GATA3: variants seen among roughly 807,000 people sequenced by gnomAD.
The protein encoded by GATA3 is trans-acting T-cell-specific transcription factor GATA-3.
Under a neutral mutation model 36.0 loss-of-function variants are expected in GATA3, and 6 were observed. The ratio of observed to expected loss-of-function variants is 0.17; its 90% CI spans 0.09 to 0.33. GATA3 has a LOEUF of 0.33. Among genes scored for constraint, GATA3 ranks in the 10% least tolerant of loss-of-function variants. GATA3 has a pLI of 1.00. For synonymous variants in GATA3, 326 were observed against 273.0 expected, an observed-to-expected ratio of 1.19 and a Z score of -1.92; for missense variants, 514 against 610.1, an observed-to-expected ratio of 0.84 and a Z score of 1.66.
At chr10:8,050,918 G>A (rs759577271), upstream of GATA3, 4 of 466,810 alleles carry the variant, frequency 8.6e-6, no homozygotes, top group Admixed American at 4.9e-5. Context: ...CGGGCAGCGC[G>A]CGGGCGCCCG....
rs1458852998 is a variant in GATA3 at position 8,055,553 on chromosome 10, G to C, written c.-103G>C. ...GAAAGCAAATCATTCAACGACCCCCGACCCTCCGACGGCAGGAGCCCCCCG... is the reference window on the plus strand; with the variant it reads ...GAAAGCAAATCATTCAACGACCCCCCACCCTCCGACGGCAGGAGCCCCCCG... On this transcript the variant is annotated 5_prime_UTR_variant, in exon 2 of 6. Transcript: ENST00000379328. This position sits in a 1 kb window ranked among gnomAD's most constrained non-coding sequence, Gnocchi z 5.4. The C allele has an allele frequency of 2.5e-5, 31 of 1,226,342 alleles. No homozygotes were observed. Among genetic ancestry groups the C allele is most frequent in the Admixed American group, 7.7e-5 (3 of 39,080 alleles). The allele number at this position is 1,226,342 out of a possible 1,614,324, so 76.0% of individuals were successfully genotyped here.
intron 4 of GATA3, among the ~76,000 whole-genome samples, chr10:8,067,759 A>G (rs942975202): frequency 4.6e-5 from 7 of 152,332 alleles, no homozygotes; most frequent in Middle Eastern, 3.4e-3. Flanking sequence ...CGGAGCTTGC[A>G]GTGAGCCGAG....
chr10:8,062,844 G>A (rs1006375112), intron 3 of GATA3, among the ~76,000 whole-genome samples: 1 of 152,150 alleles, frequency 6.6e-6, no homozygotes, highest in African/African-American at 2.4e-5. Context: ...AGAGAACTGG[G>A]CGCTAGAGAC....
chr10:8,058,848 G>A lies in GATA3; in HGVS notation c.778+7G>A, dbSNP rs1403198011. On this transcript the variant is annotated splice_region_variant and intron_variant, in intron 3 of 5. Transcript: ENST00000379328. ...AAGGCCCGGTCCAGCACAGGTAGGA[G>A]CCAGCTCTTCCCTGGAGCCTTTTCT... 1.5e-5 allele frequency: 24 copies of A among 1,601,560 alleles called. No homozygotes were observed. The highest frequency in any genetic ancestry group is 2.0e-5 in the Non-Finnish European group (24 of 1,179,830).
chr10:8,072,175 C>T (rs1387031167), intron 5 of GATA3, among the ~76,000 whole-genome samples: 2 of 152,190 alleles, frequency 1.3e-5, no homozygotes, highest in Non-Finnish European at 2.9e-5. Context: ...GTTTCCTTCT[C>T]CAGGTGACCT....
chr10:8,046,647 C>CTGTGTGTGTGTG (rs1564392141), intron 1 of GATA3, among the ~76,000 whole-genome samples: 4 of 93,950 alleles, frequency 4.3e-5, no homozygotes, highest in Non-Finnish European at 6.8e-5. Flanking sequence ...AAATGGCTGG[C>CTGTGTGTGTGTG]AGTGTGTGTG....
chr10:8,068,033 T>C (rs1363697943), intron 4 of GATA3, among the ~76,000 whole-genome samples: 7 of 152,202 alleles, frequency 4.6e-5, no homozygotes, highest in African/African-American at 9.6e-5. Flanking sequence ...CTTTTTATGA[T>C]GGAAGGTGAG....
rs1156455762 is a variant in GATA3 at position 8,058,776 on chromosome 10, G to C, written c.713G>C (p.Ser238Thr). ...EYSSGLFPPS[S>T]LLGGSPTGFG... ...AGCTCCGGACTCTTCCCCCCCAGCA[G>C]CCTGCTGGGCGGCTCCCCCACCGGC... is the stretch of plus-strand genomic sequence containing the variant. The change falls in exon 3 of 6, where the codon AGC (serine) becomes ACC (threonine). Residue 238 changes from serine to threonine, a missense_variant. This residue lies in a region of GATA3 where 381 missense variants were observed against 354.3 expected (regional missense o/e 1.08). Coordinates refer to ENST00000379328, the MANE Select transcript of GATA3 (RefSeq NM_001002295.2). The C allele has an allele frequency of 6.2e-7, 1 of 1,609,922 alleles. No individual in the cohort carries two copies. Among genetic ancestry groups the C allele is most frequent in the South Asian group, 1.1e-5 (1 of 91,060 alleles).
chr10:8,067,594 A>G (rs967778260), intron 4 of GATA3, among the ~76,000 whole-genome samples: 5 of 152,122 alleles, frequency 3.3e-5, no homozygotes, highest in Admixed American at 6.5e-5. Context: ...CAAGGCGGGT[A>G]GATCATGAGG....
intron 4 of GATA3, among the ~76,000 whole-genome samples, chr10:8,064,422 G>T (rs1285580351): frequency 6.8e-6 from 1 of 146,978 alleles, no homozygotes; most frequent in Non-Finnish European, 1.5e-5. Flanking sequence ...CTGAATTCTT[G>T]GTTATCAAAT....
intron 5 of GATA3, 64 bp downstream of exon 5, chr10:8,069,662 A>G (rs1832900478): frequency 1.3e-6 from 2 of 1,581,468 alleles, no homozygotes; most frequent in South Asian, 2.2e-5. Flanking sequence ...AAACAGCGTC[A>G]CCACCACCCT....
chr10:8,051,413 C>A, upstream of GATA3: 1 of 217,186 alleles, frequency 4.6e-6, no homozygotes, highest in South Asian at 5.4e-5. Context: ...TGCTCGGCTG[C>A]GGGATGCTTG....
chr10:8,073,835 C>T lies in GATA3; in HGVS notation c.1147C>T (p.Leu383=), dbSNP rs1487950277. Residue 383 remains leucine (L), a synonymous_variant, in exon 6 of 6, where the codon CTG becomes TTG. Coordinates refer to ENST00000379328, the MANE Select transcript of GATA3 (RefSeq NM_001002295.2). ...AAAGTGCAAAAAAGTGCATGACTCA[C>T]TGGAGGACTTCCCCAAGAACAGCTC... ...SKKCKKVHDS[L]EDFPKNSSFN... is the part of the protein sequence containing the mutation. 1.9e-6 allele frequency: 3 copies of T among 1,614,166 alleles called. No individual in the cohort carries two copies. The highest frequency in any genetic ancestry group is 3.3e-5 in the Admixed American group (2 of 60,024).
chr10:8,064,271 T>G lies in GATA3; in HGVS notation c.924+133T>G, dbSNP rs957124523. The G allele has an allele frequency of 4.9e-4, 465 of 957,332 alleles. 3 individuals carry two copies. The highest frequency in any genetic ancestry group is 6.5e-4 in the Non-Finnish European group (420 of 650,414). 59.3% of individuals were successfully genotyped at this position (957,332 alleles called of 1,614,324 possible). A position where few individuals can be genotyped will look rare whatever the true frequency, so the allele number is the denominator to read the frequency against. ...TCGTGTCAGCTGGCTTGGGACAGTT[T>G]TTTTTTTTTTCCTTTTTCTTTCTTT... On this transcript the variant is annotated intron_variant, in intron 4 of 5. Coordinates refer to ENST00000379328, the MANE Select transcript of GATA3 (RefSeq NM_001002295.2).
intron 1 of GATA3, among the ~76,000 whole-genome samples, chr10:8,046,269 G>A (rs907531427): frequency 1.3e-5 from 2 of 152,242 alleles, no homozygotes; most frequent in African/African-American, 4.8e-5. Context: ...AGGAAGTGGA[G>A]TGAATCTGGG....
In GATA3 at chr10:8,055,572, C is replaced by A. The variant is rs1464274681; in HGVS notation, c.-84C>A. The A allele has an allele frequency of 5.4e-6, 8 of 1,480,894 alleles. No homozygotes were observed. Among genetic ancestry groups the A allele is most frequent in the Non-Finnish European group, 7.2e-6 (8 of 1,108,892 alleles). The allele number at this position is 1,480,894 out of a possible 1,614,324, so 91.7% of individuals were successfully genotyped here. On this transcript the variant is annotated 5_prime_UTR_variant, in exon 2 of 6. Transcript: ENST00000379328. The surrounding 1 kb of genome is among the most constrained non-coding windows in gnomAD (Gnocchi z 5.4). ...ACCCCCGACCCTCCGACGGCAGGAGCCCCCCGACCTCCCAGGCGGACCGCC... is the reference window on the plus strand; with the variant it reads ...ACCCCCGACCCTCCGACGGCAGGAGACCCCCGACCTCCCAGGCGGACCGCC...
intron 1 of GATA3, among the ~76,000 whole-genome samples, chr10:8,047,274 GT>G (rs1479957658): frequency 2.7e-4 from 41 of 152,338 alleles, no homozygotes; most frequent in Non-Finnish European, 1.5e-5. Flanking sequence ...GGTTAAAGCA[GT>G]TTGCGTCCTG....
At position 8,055,673 on chromosome 10, in the gene GATA3, C is replaced by G. The variant is rs536685812; in HGVS notation, c.18C>G (p.Asp6Glu). Residue 6 changes from aspartate to glutamate, a missense_variant, in exon 2 of 6, where the codon GAC becomes GAG. By Grantham distance (45) the Asp-to-Glu change is conservative. Coordinates refer to ENST00000379328, the MANE Select transcript of GATA3 (RefSeq NM_001002295.2). The surrounding 1 kb of genome is among the most constrained non-coding windows in gnomAD (Gnocchi z 5.4). MEVTA[D>E]QPRWVSHHHP... is the part of the protein sequence containing the mutation. ...CCGAGGCCATGGAGGTGACGGCGGA[C>G]CAGCCGCGCTGGGTGAGCCACCACC... is the stretch of plus-strand genomic sequence containing the variant. The G allele has an allele frequency of 2.6e-6, 4 of 1,557,500 alleles. No homozygotes were observed. In the South Asian group the frequency reaches 3.5e-5, roughly 14 times the overall value.
intron 1 of GATA3, among the ~76,000 whole-genome samples, chr10:8,046,438 C>G (rs1397703962): frequency 6.6e-6 from 1 of 152,134 alleles, no homozygotes; most frequent in Non-Finnish European, 1.5e-5. Flanking sequence ...CCCTATTGTC[C>G]ATGCTCACCA....
Sources: gnomAD v4.1 joint callset for allele counts (sites outside exome capture counted in the v4.1 genomes callset) on GRCh38, gnomAD v4.1.1 for gene constraint, gnomAD v4.1.1 regional missense constraint, Gnocchi (gnomAD v3.1) non-coding constraint, MANE v1.5 for transcripts, NCBI Gene and HGNC (gene_info 2026-07-23, HGNC 2026-07-21) for gene names.